The following RELL1 variants were observed in gnomAD, a reference collection of about 807,000 sequenced individuals.
RELL1 encodes the protein RELT like 1.
RELL1 carries 10 observed loss-of-function variants against 23.0 expected under a neutral mutation model. That is an observed-to-expected ratio of 0.43 (90% CI 0.27 to 0.74). The LOEUF (loss-of-function observed/expected upper bound fraction) is 0.74. Ranked by LOEUF, RELL1 falls within the 30% of genes least tolerant of loss-of-function variation. The pLI is 0.19. For missense variants in RELL1, 315 were observed against 364.4 expected, an observed-to-expected ratio of 0.86 and a Z score of 1.10; for synonymous variants, 146 against 146.8, an observed-to-expected ratio of 0.99 and a Z score of 0.04.
In RELL1 at chr4:37,634,785, A is replaced by G. The variant is rs1295824828; in HGVS notation, c.680+102T>C. ...AAAAAGCCCAGAGATATAACCTGAGACAGGCACAGAGAACATATTCTACAT... is the reference window on the plus strand; with the variant it reads ...AAAAAGCCCAGAGATATAACCTGAGGCAGGCACAGAGAACATATTCTACAT... On this transcript the variant is annotated intron_variant, in intron 5 of 6. Coordinates refer to ENST00000454158, the MANE Select transcript of RELL1 (RefSeq NM_001085400.2). 3.0e-6 allele frequency: 3 copies of G among 1,006,114 alleles called. No homozygotes were observed. The East Asian group carries it at 7.2e-5, about 24-fold the overall frequency. 62.3% of individuals were successfully genotyped at this position (1,006,114 alleles called of 1,614,324 possible). A position where few individuals can be genotyped will look rare whatever the true frequency, so the allele number is the denominator to read the frequency against.
chr4:37,636,011 T>G (rs571266750), intron 4 of RELL1, among the ~76,000 whole-genome samples: 1 of 152,370 alleles, frequency 6.6e-6, no homozygotes, highest in East Asian at 1.9e-4. Flanking sequence ...CTAACAGTAT[T>G]CTAAGCATCT....
At chr4:37,670,210 GT>G (rs11379218) in intron 1 of RELL1, among the ~76,000 whole-genome samples, 26 of 147,578 alleles carry the variant, frequency 1.8e-4, no homozygotes, top group South Asian at 2.1e-4. Flanking sequence ...ATAATCGATA[GT>G]TTTTTTTTTT....
At chr4:37,619,435 C>A (rs1014246425) in intron 6 of RELL1, among the ~76,000 whole-genome samples, 3 of 152,156 alleles carry the variant, frequency 2.0e-5, no homozygotes, top group Non-Finnish European at 4.4e-5. Flanking sequence ...CCTGCGTCAG[C>A]CTCCCAAAGT....
intron 6 of RELL1, among the ~76,000 whole-genome samples, chr4:37,630,873 C>T (rs1411865716): frequency 6.6e-6 from 1 of 151,782 alleles, no homozygotes; most frequent in Non-Finnish European, 1.5e-5. Context: ...TTGCTCCAGA[C>T]TTTTTCAAGT....
At chr4:37,622,364 AG>A (rs1270987707) in intron 6 of RELL1, among the ~76,000 whole-genome samples, 1 of 152,228 alleles carries the variant, frequency 6.6e-6, no homozygotes, top group African/African-American at 2.4e-5. Context: ...TCTTGAGAAA[AG>A]GTTTAAGAGG....
chr4:37,600,949 A>T (rs917933934), intron 6 of RELL1, among the ~76,000 whole-genome samples: 15 of 152,250 alleles, frequency 9.9e-5, no homozygotes, highest in Non-Finnish European at 1.9e-4. Context: ...ATGAAAATAA[A>T]TTGAGTTACT....
intron 4 of RELL1, among the ~76,000 whole-genome samples, chr4:37,636,889 A>G (rs1246056721): frequency 1.3e-5 from 2 of 152,188 alleles, no homozygotes; most frequent in Non-Finnish European, 2.9e-5. Context: ...AGTAGAGCCT[A>G]CGGTTGAGGA....
intron 6 of RELL1, among the ~76,000 whole-genome samples, chr4:37,620,676 A>G (rs1054825379): frequency 1.1e-4 from 17 of 152,232 alleles, no homozygotes; most frequent in African/African-American, 4.1e-4. Flanking sequence ...TGAGCTAGAC[A>G]GAGTTCAGCT....
chr4:37,607,973 A>G (rs891270535), downstream of RELL1, among the ~76,000 whole-genome samples: 2 of 152,108 alleles, frequency 1.3e-5, no homozygotes, highest in Non-Finnish European at 2.9e-5. Flanking sequence ...AAACTTTTCA[A>G]TTAATTATTA....
chr4:37,631,240 C>T (rs370706419), intron 6 of RELL1, 145 bp downstream of exon 6: 144 of 876,178 alleles, frequency 1.6e-4, no homozygotes, highest in Middle Eastern at 3.7e-4. Flanking sequence ...TGTTCAGTCC[C>T]CCTCAGTCTT....
At chr4:37,659,252 C>T (rs1047686820) in intron 1 of RELL1, among the ~76,000 whole-genome samples, 1 of 152,108 alleles carries the variant, frequency 6.6e-6, no homozygotes, top group African/African-American at 2.4e-5. Flanking sequence ...TTCTGAGGAC[C>T]CACTAGGTAT....
intron 2 of RELL1, among the ~76,000 whole-genome samples, chr4:37,648,662 C>T (rs1454314490): frequency 6.6e-6 from 1 of 152,236 alleles, no homozygotes; most frequent in Non-Finnish European, 1.5e-5. Flanking sequence ...GAAGTTAGTA[C>T]TAAGGCACCA....
At chr4:37,635,944 C>T (rs937137993) in intron 4 of RELL1, among the ~76,000 whole-genome samples, 4 of 152,250 alleles carry the variant, frequency 2.6e-5, no homozygotes, top group South Asian at 4.1e-4. Context: ...GCAAAGATAT[C>T]AAAAGTGATG....
chr4:37,665,721 A>T (rs973996198), intron 1 of RELL1, among the ~76,000 whole-genome samples: 3 of 152,238 alleles, frequency 2.0e-5, no homozygotes, highest in Non-Finnish European at 2.9e-5. Flanking sequence ...TCCAGTAGCA[A>T]CGGGAAGAAA....
intron 6 of RELL1, among the ~76,000 whole-genome samples, chr4:37,631,172 C>T: frequency 6.6e-6 from 1 of 152,132 alleles, no homozygotes; most frequent in East Asian, 1.9e-4. Flanking sequence ...AGGCCAAGCC[C>T]CTGGAGGCAC....
intron 1 of RELL1, among the ~76,000 whole-genome samples, chr4:37,672,547 C>G (rs965518808): frequency 1.3e-5 from 2 of 152,130 alleles, no homozygotes; most frequent in African/African-American, 4.8e-5. Flanking sequence ...GTGGCGGCAA[C>G]AGATCAACTA....
intron 1 of RELL1, among the ~76,000 whole-genome samples, chr4:37,664,295 G>A (rs963150361): frequency 2.6e-5 from 4 of 151,392 alleles, no homozygotes; most frequent in African/African-American, 9.7e-5. Flanking sequence ...AGAATTGCTT[G>A]AACCCGGGTT....
chr4:37,591,290 C>T (rs960297458), intron 6 of RELL1: 12 of 300,600 alleles, frequency 4.0e-5, no homozygotes, highest in African/African-American at 2.6e-4. Flanking sequence ...GCTTGCTTGA[C>T]AACCCTCAAA....
At chr4:37,617,774 C>T (rs1156405975) in intron 6 of RELL1, among the ~76,000 whole-genome samples, 3 of 152,194 alleles carry the variant, frequency 2.0e-5, no homozygotes. Flanking sequence ...CAGAGTGAGA[C>T]TCCGTCTCAA....
Sources: gnomAD v4.1 joint callset for allele counts (sites outside exome capture counted in the v4.1 genomes callset) on GRCh38, gnomAD v4.1.1 for gene constraint, MANE v1.5 for transcripts, NCBI Gene and HGNC (gene_info 2026-07-23, HGNC 2026-07-21) for gene names.